Variants in BNIP1 observed in about 807,000 individuals in gnomAD.
BNIP1 encodes the protein vesicle transport protein SEC20.
BNIP1 carries 25 observed loss-of-function variants against 28.5 expected under a neutral mutation model. The ratio of observed to expected loss-of-function variants is 0.88; its 90% CI spans 0.64 to 1.23. The LOEUF (loss-of-function observed/expected upper bound fraction) is 1.23, where lower values mean the gene tolerates loss of function less well. Among genes scored for constraint, BNIP1 ranks in the 50% most tolerant of loss-of-function variants. The pLI is 0.00. For missense variants in BNIP1, 276 were observed against 277.0 expected, an observed-to-expected ratio of 1.00 and a Z score of 0.02; for synonymous variants, 118 against 101.7, an observed-to-expected ratio of 1.16 and a Z score of -0.96.
intron 2 of BNIP1, among the ~76,000 whole-genome samples, chr5:173,148,134 A>T (rs1232450373): frequency 1.0e-5 from 1 of 99,584 alleles, no homozygotes; most frequent in African/African-American, 4.0e-5. Context: ...ATATATATAT[A>T]TATTTTAATA....
chr5:173,151,250 G>A (rs1323504709), intron 2 of BNIP1, among the ~76,000 whole-genome samples: 1 of 151,466 alleles, frequency 6.6e-6, no homozygotes, highest in Non-Finnish European at 1.5e-5. Context: ...ACAGGGTCTT[G>A]GGCTGTCACC....
At chr5:173,163,170 G>A (rs1760410734) in intron 5 of BNIP1, among the ~76,000 whole-genome samples, 1 of 152,206 alleles carries the variant, frequency 6.6e-6, no homozygotes, top group Non-Finnish European at 1.5e-5. Context: ...CTTCTTAGGT[G>A]TCACCTCCTT....
chr5:173,163,290 A>T (rs1760413999), intron 5 of BNIP1, among the ~76,000 whole-genome samples: 1 of 152,244 alleles, frequency 6.6e-6, no homozygotes, highest in South Asian at 2.1e-4. Flanking sequence ...CGGTCTGGCC[A>T]GCAGATGTCC....
intron 5 of BNIP1, chr5:173,161,087 A>T (rs1243195428): frequency 5.1e-5 from 15 of 296,478 alleles, no homozygotes; most frequent in South Asian, 1.3e-4. Flanking sequence ...GTCTCGTTTC[A>T]GTTCTACCCT....
intron 4 of BNIP1, 61 bp from the exon 5 acceptor site, chr5:173,159,872 G>A (rs1760310107): frequency 2.2e-6 from 3 of 1,361,764 alleles, no homozygotes; most frequent in Admixed American, 1.8e-5. Context: ...TGGATGTGGG[G>A]CCTTCTTGCA....
chr5:173,144,544 A>C lies in BNIP1; in HGVS notation c.-2A>C. The C allele has an allele frequency of 6.2e-7, 1 of 1,614,062 alleles. No homozygotes were observed. Among genetic ancestry groups the C allele is most frequent in the Admixed American group, 1.7e-5 (1 of 60,026 alleles). ...CCGCTGCCCGTAGCCGGCGTCCCCA[A>C]CATGGCGGCTCCCCAAGACGTCCAC... On this transcript the variant is annotated 5_prime_UTR_variant, in exon 1 of 6. Coordinates refer to ENST00000351486, the MANE Select transcript of BNIP1 (RefSeq NM_001205.3).
At chr5:173,145,085 G>A in intron 1 of BNIP1, 1 of 160,852 alleles carries the variant, frequency 6.2e-6, no homozygotes, top group South Asian at 1.6e-4. Flanking sequence ...GGCACGGGAG[G>A]CACCGGGTGA....
At chr5:173,150,503 T>TC (rs1444009604) in intron 2 of BNIP1, among the ~76,000 whole-genome samples, 4 of 152,190 alleles carry the variant, frequency 2.6e-5, no homozygotes, top group African/African-American at 9.6e-5. Context: ...TTCAGCAGCG[T>TC]CACCATACCT....
At chr5:173,145,897 A>C (rs971099171) in intron 1 of BNIP1, among the ~76,000 whole-genome samples, 2 of 152,252 alleles carry the variant, frequency 1.3e-5, no homozygotes, top group Admixed American at 1.3e-4. Flanking sequence ...TGAATAAGCC[A>C]GAGAAAAAGT....
At chr5:173,163,642 A>G (rs1189890994) in intron 5 of BNIP1, 83 bp from the exon 6 acceptor site, 23 of 1,311,494 alleles carry the variant, frequency 1.8e-5, no homozygotes, top group East Asian at 2.4e-5. Context: ...GCTGGTTTTT[A>G]TCAGCACCCC....
At chr5:173,150,037 C>T (rs966703151) in intron 2 of BNIP1, among the ~76,000 whole-genome samples, 1 of 152,180 alleles carries the variant, frequency 6.6e-6, no homozygotes. Flanking sequence ...GCGAGTGGAT[C>T]GCCTGAGGCC....
At position 173,146,962 on chromosome 5, in the gene BNIP1, G is replaced by T; in HGVS notation, c.177+4G>T. The T allele has an allele frequency of 3.7e-6, 6 of 1,606,252 alleles. No individual in the cohort carries two copies. Among genetic ancestry groups the T allele is most frequent in the Non-Finnish European group, 5.1e-6 (6 of 1,173,052 alleles). ...ACAGTTGCGTCACAGAATACAGGTGGGTATTCTCAATTCAGTCAATGAAGG... is the reference window on the plus strand; with the variant it reads ...ACAGTTGCGTCACAGAATACAGGTGTGTATTCTCAATTCAGTCAATGAAGG... On this transcript the variant is annotated splice_donor_region_variant and intron_variant, in intron 2 of 5. Transcript: ENST00000351486.
intron 4 of BNIP1, among the ~76,000 whole-genome samples, chr5:173,159,250 G>T (rs1760293173): frequency 6.6e-6 from 1 of 152,078 alleles, no homozygotes; most frequent in Admixed American, 6.6e-5. Context: ...CGTTGGCCAG[G>T]CTGGTCTTGA....
intron 3 of BNIP1, among the ~76,000 whole-genome samples, chr5:173,156,401 C>T (rs529230739): frequency 2.0e-5 from 3 of 152,020 alleles, no homozygotes; most frequent in South Asian, 2.1e-4. Flanking sequence ...CCCAGCACTT[C>T]GGGGGCCGAG....
intron 2 of BNIP1, among the ~76,000 whole-genome samples, chr5:173,147,178 G>C (rs983346438): frequency 3.3e-5 from 5 of 152,128 alleles, no homozygotes; most frequent in African/African-American, 1.2e-4. Context: ...AGGCCGAGGC[G>C]GGGAGATCAC....
intron 5 of BNIP1, among the ~76,000 whole-genome samples, chr5:173,162,130 A>G (rs1236343074): frequency 2.6e-5 from 4 of 152,196 alleles, no homozygotes; most frequent in African/African-American, 9.7e-5. Context: ...TGCCATAGAA[A>G]CGCAACAGCA....
At position 173,159,985 on chromosome 5, in the gene BNIP1, C is replaced by T. The variant is rs778219066; in HGVS notation, c.424C>T (p.Leu142Phe). The part of the protein sequence containing the change: ...AQTSSTITES[L>F]MGISRMMAQQ... Reference sequence around the variant, plus strand: ...GACATCCAGTACCATCACTGAGAGCCTCATGGGGATCAGCAGGATGATGGC... The same window carrying T: ...GACATCCAGTACCATCACTGAGAGCTTCATGGGGATCAGCAGGATGATGGC... The change falls in exon 5 of 6, where the codon CTC (leucine) becomes TTC (phenylalanine). Residue 142 changes from leucine to phenylalanine, a missense_variant. Transcript: ENST00000351486. 6.2e-7 allele frequency: 1 copy of T among 1,614,104 alleles called. No homozygotes were observed. The highest frequency in any genetic ancestry group is 1.3e-5 in the African/African-American group (1 of 75,046).
At chr5:173,154,521 T>G in intron 3 of BNIP1, 108 bp downstream of exon 3, 8 of 800,492 alleles carry the variant, frequency 1.0e-5, no homozygotes, top group Non-Finnish European at 1.5e-5. Flanking sequence ...GACTTAATGG[T>G]GTCTTTTTTT....
chr5:173,157,146 C>A (rs1039858986), intron 3 of BNIP1, among the ~76,000 whole-genome samples: 2 of 152,100 alleles, frequency 1.3e-5, no homozygotes, highest in African/African-American at 4.8e-5. Flanking sequence ...CAGGGTCCTG[C>A]AGAACCCCCT....
Sources: gnomAD v4.1 joint callset for allele counts (sites outside exome capture counted in the v4.1 genomes callset) on GRCh38, gnomAD v4.1.1 for gene constraint, MANE v1.5 for transcripts, NCBI Gene and HGNC (gene_info 2026-07-23, HGNC 2026-07-21) for gene names.